The following STAT5B variants were observed in gnomAD, a reference collection of about 807,000 sequenced individuals.
STAT5B encodes transcription factor STAT5B.
A neutral mutation model predicts 107.8 loss-of-function variants in STAT5B; 21 were observed. That is an observed-to-expected ratio of 0.19 (90% CI 0.14 to 0.28). The LOEUF is 0.28. Among genes scored for constraint, STAT5B ranks in the 10% least tolerant of loss-of-function variants. The pLI is 1.00. For synonymous variants in STAT5B, 325 were observed against 401.7 expected (o/e 0.81, Z 2.28); for missense variants, 565 against 1,008.2 (o/e 0.56, Z 5.95).
intron 11 of STAT5B, 151 bp downstream of exon 11, chr17:42,217,009 A>G: frequency 2.2e-6 from 3 of 1,365,580 alleles, no homozygotes; most frequent in Non-Finnish European, 3.0e-6. Flanking sequence ...ACCTAAGTGA[A>G]ACAGTTCTCA....
chr17:42,230,044 T>C (rs1031779858), intron 2 of STAT5B, among the ~76,000 whole-genome samples: 3 of 152,100 alleles, frequency 2.0e-5, no homozygotes, highest in African/African-American at 7.2e-5. Context: ...CCTACTCATG[T>C]TTTTCTAAAT....
chr17:42,248,235 G>A (rs1423147721), intron 1 of STAT5B, among the ~76,000 whole-genome samples: 3 of 140,912 alleles, frequency 2.1e-5, no homozygotes, highest in Non-Finnish European at 3.0e-5. Context: ...TGATTGTGTC[G>A]CTGCACTCCA....
chr17:42,215,047 T>C (rs745866815), intron 12 of STAT5B, among the ~76,000 whole-genome samples: 1 of 152,176 alleles, frequency 6.6e-6, no homozygotes, highest in African/African-American at 2.4e-5. Flanking sequence ...ACCCAGCCTA[T>C]GAGATCTTTA....
At chr17:42,214,073 G>T in intron 12 of STAT5B, 1 of 347,328 alleles carries the variant, frequency 2.9e-6, no homozygotes, top group Non-Finnish European at 4.0e-6. Flanking sequence ...AATCCAGAAG[G>T]CAGAAGCTGC....
intron 1 of STAT5B, chr17:42,271,966 A>G (rs2080725289): frequency 6.6e-6 from 1 of 152,248 alleles, no homozygotes; most frequent in Admixed American, 6.5e-5. Flanking sequence ...TAGAAGAGGT[A>G]AACTCCCCCT....
At position 42,241,535 on chromosome 17, in the gene STAT5B, C is replaced by T. The variant is rs188081361; in HGVS notation, c.-10-9398G>A. ...TTGGCTCACTGCAACCTCTGCCTCC[C>T]GGGTTCAAGAGATTCTCCTGCCTTA... On this transcript the variant is annotated intron_variant, in intron 1 of 18. Coordinates refer to ENST00000293328, the MANE Select transcript of STAT5B (RefSeq NM_012448.4). Among the ~76,000 whole-genome samples, 3 of 151,570 alleles carry T rather than the reference C, an allele frequency of 2.0e-5. No homozygotes were observed. In the East Asian group the frequency reaches 5.9e-4, roughly 30 times the overall value.
intron 1 of STAT5B, among the ~76,000 whole-genome samples, chr17:42,244,972 G>A (rs1047660538): frequency 6.6e-6 from 1 of 151,798 alleles, no homozygotes; most frequent in Non-Finnish European, 1.5e-5. Flanking sequence ...CACAATCTTG[G>A]CTCACTGCAA....
At chr17:42,267,799 A>G (rs1458305193) in intron 1 of STAT5B, among the ~76,000 whole-genome samples, 2 of 152,028 alleles carry the variant, frequency 1.3e-5, no homozygotes, top group Non-Finnish European at 2.9e-5. Flanking sequence ...TCTCTACTAA[A>G]AATACAAAAA....
chr17:42,231,297 T>C (rs2144294648), intron 2 of STAT5B, among the ~76,000 whole-genome samples: 1 of 151,840 alleles, frequency 6.6e-6, no homozygotes, highest in South Asian at 2.1e-4. Flanking sequence ...TGCACCACCA[T>C]GTCCAGTGAA....
chr17:42,274,553 T>C (rs2080749487), intron 1 of STAT5B, among the ~76,000 whole-genome samples: 1 of 152,146 alleles, frequency 6.6e-6, no homozygotes, highest in Admixed American at 6.5e-5. Flanking sequence ...TGGAAACTGG[T>C]ACCCAAATGA....
chr17:42,217,704 T>TG, intron 9 of STAT5B: 1 of 542,164 alleles, frequency 1.8e-6, no homozygotes, highest in Non-Finnish European at 3.3e-6. Context: ...TTTTTTTTTT[T>TG]TGTGACGGAG....
chr17:42,213,520 ATTTATTTTTTATTT>A (rs749569560), intron 12 of STAT5B, among the ~76,000 whole-genome samples: 7 of 141,958 alleles, frequency 4.9e-5, no homozygotes, highest in African/African-American at 2.0e-4. Context: ...AGTCTTTATT[ATTTATTTTTTATTT>A]TTTATTTTTT....
intron 1 of STAT5B, chr17:42,233,938 G>A (rs1567666298): frequency 6.6e-6 from 1 of 152,162 alleles, no homozygotes; most frequent in Non-Finnish European, 1.5e-5. Context: ...AAACATTTGG[G>A]TAGACTGGGA....
intron 1 of STAT5B, among the ~76,000 whole-genome samples, chr17:42,259,402 C>T (rs2080574643): frequency 6.6e-6 from 1 of 152,072 alleles, no homozygotes; most frequent in Non-Finnish European, 1.5e-5. Context: ...CAGCAGTTTT[C>T]AAACAAGAGG....
intron 16 of STAT5B, among the ~76,000 whole-genome samples, chr17:42,206,069 TTTTG>T (rs2080082912): frequency 6.6e-6 from 1 of 152,108 alleles, no homozygotes; most frequent in South Asian, 2.1e-4. Flanking sequence ...TATATTTGTG[TTTTG>T]TTTGTTTTTG....
chr17:42,265,696 A>G (rs772716536), intron 1 of STAT5B, among the ~76,000 whole-genome samples: 2 of 152,156 alleles, frequency 1.3e-5, no homozygotes, highest in Non-Finnish European at 2.9e-5. Flanking sequence ...TCAAACTGCC[A>G]TCCAAAAAAA....
chr17:42,216,139 C>T (rs367560853), intron 11 of STAT5B, 33 bp from the exon 12 acceptor site: 42 of 1,583,394 alleles, frequency 2.7e-5, no homozygotes, highest in Admixed American at 1.2e-4. Context: ...TGAGCGCCCA[C>T]GAGCCTCAAG....
At chr17:42,241,281 G>C (rs906535787) in intron 1 of STAT5B, among the ~76,000 whole-genome samples, 2 of 150,840 alleles carry the variant, frequency 1.3e-5, no homozygotes, top group African/African-American at 2.4e-5. Context: ...TAGAAGTTGC[G>C]GTGAGCTGAG....
At chr17:42,288,052 C>G in the STAT5B span, 1 of 152,210 alleles carries the variant, frequency 6.6e-6, no homozygotes, top group Non-Finnish European at 1.5e-5. The surrounding 1 kb of genome is among the most constrained non-coding windows in gnomAD (Gnocchi z 4.8). Flanking sequence ...ATTTTTTAAT[C>G]TAGGGGCTCA....
Sources: allele counts gnomAD v4.1 joint callset (sites outside exome capture counted in the v4.1 genomes callset), GRCh38; gene constraint gnomAD v4.1.1; non-coding constraint Gnocchi (gnomAD v3.1); transcripts MANE v1.5; gene names NCBI Gene and HGNC (gene_info 2026-07-23, HGNC 2026-07-21).